The following GLG1 variants were observed in gnomAD, a reference collection of about 807,000 sequenced individuals.
GLG1 encodes the protein golgi glycoprotein 1.
A neutral mutation model predicts 160.5 loss-of-function variants in GLG1; 38 were observed. That is an observed-to-expected ratio of 0.24 (90% CI 0.18 to 0.31). The LOEUF is 0.31. GLG1 is among the 10% of genes least tolerant of loss of function. The pLI is 1.00. For missense variants in GLG1, 1,373 were observed against 1,505.2 expected, an observed-to-expected ratio of 0.91 and a Z score of 1.45; for synonymous variants, 644 against 543.4, an observed-to-expected ratio of 1.19 and a Z score of -2.57.
chr16:74,571,413 G>A (rs931977236), intron 1 of GLG1, among the ~76,000 whole-genome samples: 23 of 152,112 alleles, frequency 1.5e-4, no homozygotes, highest in African/African-American at 4.1e-4. Flanking sequence ...AGAGGCTCAC[G>A]CAAGTAATCC....
intron 1 of GLG1, among the ~76,000 whole-genome samples, chr16:74,561,771 G>A (rs772953080): frequency 6.6e-6 from 1 of 152,170 alleles, no homozygotes; most frequent in Non-Finnish European, 1.5e-5. Context: ...TGGAATCACA[G>A]AGATCCTGCA....
At chr16:74,479,051 C>CAAAAAAAAAAAAAA (rs34125450) in intron 11 of GLG1, among the ~76,000 whole-genome samples, 442 of 17,580 alleles carry the variant, frequency 0.025, 143 homozygotes, top group African/African-American at 0.045. Context: ...ATTAAAAATC[C>CAAAAAAAAAAAAAA]AAAAAAAAAA....
chr16:74,566,009 T>C (rs921988515), intron 1 of GLG1, among the ~76,000 whole-genome samples: 1 of 152,232 alleles, frequency 6.6e-6, no homozygotes, highest in Non-Finnish European at 1.5e-5. Context: ...TTGTAGAACG[T>C]CCCTCAATTT....
At chr16:74,528,048 C>T (rs796099129) in intron 2 of GLG1, among the ~76,000 whole-genome samples, 21 of 151,496 alleles carry the variant, frequency 1.4e-4, no homozygotes, top group African/African-American at 5.1e-4. Flanking sequence ...CCACACCTGG[C>T]TAGCTTTTTT....
intron 1 of GLG1, among the ~76,000 whole-genome samples, chr16:74,545,684 C>T (rs912262511): frequency 6.6e-6 from 1 of 152,076 alleles, no homozygotes; most frequent in African/African-American, 2.4e-5. Context: ...TTCTAAAGAA[C>T]CTTTGTATCT....
intron 22 of GLG1, 34 bp from the exon 23 acceptor site, chr16:74,459,823 A>C: frequency 1.5e-5 from 15 of 1,026,288 alleles, no homozygotes; most frequent in Non-Finnish European, 2.1e-5. Flanking sequence ...AAGCTACCCC[A>C]CTGAGCACAG....
chr16:74,527,658 G>T (rs1218662334), intron 2 of GLG1, among the ~76,000 whole-genome samples: 5 of 152,092 alleles, frequency 3.3e-5, no homozygotes, highest in South Asian at 2.1e-4. Context: ...TTACCTTCAA[G>T]AATTTAGGAT....
chr16:74,519,460 G>A (rs2017090099), intron 2 of GLG1, among the ~76,000 whole-genome samples: 1 of 151,360 alleles, frequency 6.6e-6, no homozygotes, highest in Admixed American at 6.6e-5. Context: ...TTCTGCATAT[G>A]TAACCCATAA....
At chr16:74,506,354 G>A (rs908068561) in intron 3 of GLG1, among the ~76,000 whole-genome samples, 1 of 151,264 alleles carries the variant, frequency 6.6e-6, no homozygotes, top group African/African-American at 2.4e-5. Flanking sequence ...CCAGGCGGGC[G>A]GATCACGAGG....
rs561529333 is a variant in GLG1, at chr16:74,489,455, G to C, written c.1449+1546C>G. On this transcript the variant is annotated intron_variant, in intron 8 of 25. Coordinates refer to ENST00000422840, the MANE Select transcript of GLG1 (RefSeq NM_001145667.2). ...CATTACACTCCAGCCTGGGCAACAAGAGTGAGACTCTGTCTCAAAAAAAAA... is the reference window on the plus strand; with the variant it reads ...CATTACACTCCAGCCTGGGCAACAACAGTGAGACTCTGTCTCAAAAAAAAA... Among the ~76,000 whole-genome samples, 404 of 151,426 alleles carry C rather than the reference G, an allele frequency of 2.7e-3. 4 individuals are homozygous for C. The highest frequency in any genetic ancestry group is 8.1e-4 in the Non-Finnish European group (55 of 67,874).
chr16:74,522,605 G>GAT (rs1471694290), intron 2 of GLG1, among the ~76,000 whole-genome samples: 11 of 152,052 alleles, frequency 7.2e-5, no homozygotes, highest in African/African-American at 2.7e-4. Context: ...ACATATTCTG[G>GAT]ATACACTGTC....
At chr16:74,518,157 T>C (rs538978678) in intron 2 of GLG1, among the ~76,000 whole-genome samples, 7 of 152,162 alleles carry the variant, frequency 4.6e-5, no homozygotes, top group Admixed American at 3.9e-4. Context: ...GCTATCCTCA[T>C]CAAGCTGCCA....
Position 74,489,109 on chromosome 16 carries a change from C to T in GLG1, c.1449+1892G>A, listed in dbSNP as rs184448433. On this transcript the variant is annotated intron_variant, in intron 8 of 25. Transcript: ENST00000422840. ...AGCCCTGGGTGTGAATTAGGTGCCT[C>T]GAAATAAAGTCAAACCAGTCTATTT... Among the ~76,000 whole-genome samples the T allele has an allele frequency of 1.6e-4, 24 of 152,180 alleles. No homozygotes were observed. In the East Asian group the frequency reaches 2.5e-3, roughly 16 times the overall value.
Position 74,508,892 on chromosome 16 carries a change from C to T in GLG1, c.505G>A (p.Asp169Asn), listed in dbSNP as rs1271796244. ...CTGGCCACAGATTCAAATTTGGGAT[C>T]TGTAGTTAGGTTCAGCTTATAATTC... ...LWNYKLNLTT[D>N]PKFESVAREV... The change falls in exon 3 of 26, where the codon GAT becomes AAT. Residue 169 changes from aspartate (D) to asparagine (N), a missense_variant. Asp to Asn is a conservative substitution (Grantham distance 23). Around this residue, in one of 4 missense-constraint regions of GLG1, gnomAD observed 322 missense variants for 254.6 expected, o/e 1.26. Coordinates refer to ENST00000422840, the MANE Select transcript of GLG1 (RefSeq NM_001145667.2). The T allele has an allele frequency of 6.6e-7, 1 of 1,521,830 alleles. No individual in the cohort carries two copies. The highest frequency in any genetic ancestry group is 1.1e-5 in the South Asian group (1 of 89,162). The allele number at this position is 1,521,830 out of a possible 1,614,324, so 94.3% of individuals were successfully genotyped here.
chr16:74,472,255 A>G (rs1432634818), intron 14 of GLG1, 94 bp downstream of exon 14: 2 of 838,086 alleles, frequency 2.4e-6, no homozygotes, highest in Non-Finnish European at 4.1e-6. Flanking sequence ...AGAGTAATAC[A>G]TGCTGCAGAC....
At chr16:74,595,848 G>T (rs1229559351) in intron 1 of GLG1, among the ~76,000 whole-genome samples, 3 of 152,108 alleles carry the variant, frequency 2.0e-5, no homozygotes, top group African/African-American at 7.2e-5. Flanking sequence ...ATTGGGCCAG[G>T]TACAGTGGCT....
chr16:74,592,277 G>A (rs902909016), intron 1 of GLG1, among the ~76,000 whole-genome samples: 1 of 152,106 alleles, frequency 6.6e-6, no homozygotes, highest in African/African-American at 2.4e-5. Flanking sequence ...TGAGTAGCTG[G>A]GATTATAGGC....
intron 12 of GLG1, among the ~76,000 whole-genome samples, chr16:74,475,918 A>T (rs557931785): frequency 3.9e-5 from 6 of 152,314 alleles, no homozygotes; most frequent in African/African-American, 1.2e-4. Flanking sequence ...TCAGTGGCTC[A>T]CACCTGTAAT....
intron 3 of GLG1, among the ~76,000 whole-genome samples, chr16:74,504,869 T>C (rs1415861318): frequency 1.3e-5 from 2 of 152,134 alleles, no homozygotes; most frequent in African/African-American, 4.8e-5. Context: ...TAAAGCAAAC[T>C]AGCCCCCAAA....
Sources: allele counts gnomAD v4.1 joint callset (sites outside exome capture counted in the v4.1 genomes callset), GRCh38; gene constraint gnomAD v4.1.1; regional missense constraint gnomAD v4.1.1; transcripts MANE v1.5; gene names NCBI Gene and HGNC (gene_info 2026-07-23, HGNC 2026-07-21).